ARIH1: variants seen among roughly 807,000 people sequenced by gnomAD.
ARIH1 encodes the protein ariadne RBR E3 ubiquitin protein ligase 1.
Under a neutral mutation model 85.0 loss-of-function variants are expected in ARIH1, and 8 were observed. That is an observed-to-expected ratio of 0.09 (90% CI 0.06 to 0.17). ARIH1 has a LOEUF of 0.17. Ranked by LOEUF, ARIH1 falls within the 10% of genes least tolerant of loss-of-function variation. ARIH1 has a pLI of 1.00. For missense variants in ARIH1, 311 were observed against 718.1 expected, an observed-to-expected ratio of 0.43 and a Z score of 6.48; for synonymous variants, 238 against 253.6, an observed-to-expected ratio of 0.94 and a Z score of 0.59.
At chr15:72,552,998 C>T (rs2064159442) in intron 3 of ARIH1, among the ~76,000 whole-genome samples, 1 of 152,100 alleles carries the variant, frequency 6.6e-6, no homozygotes, top group African/African-American at 2.4e-5. Flanking sequence ...TGGTCTTAAA[C>T]TCCTGACTGT....
intron 11 of ARIH1, among the ~76,000 whole-genome samples, chr15:72,578,926 A>G (rs1366202827): frequency 1.3e-5 from 2 of 150,984 alleles, no homozygotes; most frequent in African/African-American, 4.9e-5. Context: ...ATGGGATTAC[A>G]GGCACATGCC....
intron 11 of ARIH1, among the ~76,000 whole-genome samples, chr15:72,577,783 G>A (rs2064278397): frequency 6.6e-6 from 1 of 152,156 alleles, no homozygotes; most frequent in African/African-American, 2.4e-5. Flanking sequence ...TATCTCAGGT[G>A]GCAGAGGTAG....
At chr15:72,480,364 C>T (rs1222164054) in intron 1 of ARIH1, among the ~76,000 whole-genome samples, 2 of 151,114 alleles carry the variant, frequency 1.3e-5, no homozygotes, top group Non-Finnish European at 2.9e-5. Context: ...AGGGTTCAAG[C>T]GATTCTCCTG....
Position 72,498,961 on chromosome 15 carries a change from A to ATTTTTT in ARIH1, c.376-19074_376-19069dup, listed in dbSNP as rs535261674. Among the ~76,000 whole-genome samples, 23 of 88,432 alleles carry ATTTTTT rather than the reference A, an allele frequency of 2.6e-4. 1 individual carries two copies. Among genetic ancestry groups the ATTTTTT allele is most frequent in the African/African-American group, 7.9e-4 (17 of 21,450 alleles). The allele number at this position is 88,432 out of a possible 152,430, so 58.0% of individuals were successfully genotyped here. ...TTATGTCGTTTGCACCTTTTCATAAATTTTTTTTTTTTTTTTTTTTTTTTT... is the reference window on the plus strand; with the variant it reads ...TTATGTCGTTTGCACCTTTTCATAAATTTTTTTTTTTTTTTTTTTTTTTTTTTTTTT... On this transcript the variant is annotated intron_variant, in intron 1 of 13. Transcript: ENST00000379887.
At chr15:72,492,038 T>G (rs1364194381) in intron 1 of ARIH1, among the ~76,000 whole-genome samples, 1 of 152,096 alleles carries the variant, frequency 6.6e-6, no homozygotes, top group Non-Finnish European at 1.5e-5. Context: ...AATAAATGAC[T>G]AAGAGTGGAA....
At chr15:72,540,701 A>G (rs955156217) in intron 2 of ARIH1, among the ~76,000 whole-genome samples, 13 of 152,156 alleles carry the variant, frequency 8.5e-5, no homozygotes, top group Admixed American at 2.0e-4. Flanking sequence ...GTGTGCACGT[A>G]TAGTCCCACC....
At chr15:72,528,175 G>A (rs1193970156) in intron 2 of ARIH1, among the ~76,000 whole-genome samples, 6 of 152,132 alleles carry the variant, frequency 3.9e-5, no homozygotes, top group African/African-American at 1.4e-4. Context: ...GTAGTATATA[G>A]GGTAAATGCT....
At chr15:72,498,503 T>A (rs2063889281) in intron 1 of ARIH1, among the ~76,000 whole-genome samples, 1 of 152,220 alleles carries the variant, frequency 6.6e-6, no homozygotes, top group Non-Finnish European at 1.5e-5. Flanking sequence ...TATGTTTATA[T>A]TTACATGTGT....
chr15:72,579,031 G>A (rs1398202104), intron 11 of ARIH1, among the ~76,000 whole-genome samples: 2 of 151,998 alleles, frequency 1.3e-5, no homozygotes, highest in East Asian at 1.9e-4. Flanking sequence ...CAATCCACCC[G>A]CCTCAGCCTC....
At chr15:72,537,775 A>G (rs1008173724) in intron 2 of ARIH1, among the ~76,000 whole-genome samples, 4 of 152,184 alleles carry the variant, frequency 2.6e-5, no homozygotes, top group Non-Finnish European at 5.9e-5. Context: ...TCAGAACTAT[A>G]AGGTATAGAA....
At chr15:72,556,070 T>G (rs926072866) in intron 5 of ARIH1, among the ~76,000 whole-genome samples, 163 bp downstream of exon 5, 1 of 152,224 alleles carries the variant, frequency 6.6e-6, no homozygotes, top group Non-Finnish European at 1.5e-5. Context: ...GTAACTTGGT[T>G]AAATGCCTGA....
chr15:72,486,078 G>T (rs1567336829), intron 1 of ARIH1, among the ~76,000 whole-genome samples: 1 of 152,062 alleles, frequency 6.6e-6, no homozygotes, highest in Non-Finnish European at 1.5e-5. Context: ...AATCACTTAT[G>T]ATTTAAGTTT....
At chr15:72,527,024 A>G (rs1213829341) in intron 2 of ARIH1, among the ~76,000 whole-genome samples, 1 of 152,176 alleles carries the variant, frequency 6.6e-6, no homozygotes, top group Non-Finnish European at 1.5e-5. Context: ...CAAGTCTTCC[A>G]TCTGGGTTTT....
intron 1 of ARIH1, among the ~76,000 whole-genome samples, chr15:72,507,697 CAATT>C (rs370968607): frequency 7.2e-5 from 11 of 152,184 alleles, no homozygotes; most frequent in African/African-American, 2.4e-4. Flanking sequence ...AAATAACAGT[CAATT>C]AAGAGCTTAT....
At chr15:72,533,039 T>A (rs2064064839) in intron 2 of ARIH1, among the ~76,000 whole-genome samples, 1 of 152,226 alleles carries the variant, frequency 6.6e-6, no homozygotes, top group African/African-American at 2.4e-5. Flanking sequence ...TCCAGTTCAA[T>A]TCAGCATTAT....
intron 11 of ARIH1, among the ~76,000 whole-genome samples, chr15:72,579,298 A>G (rs1378312912): frequency 1.3e-5 from 2 of 152,090 alleles, no homozygotes; most frequent in Non-Finnish European, 2.9e-5. Context: ...GTGTCATTTA[A>G]TAGGTTCTTC....
chr15:72,576,672 A>G (rs551878048), intron 11 of ARIH1, among the ~76,000 whole-genome samples: 2 of 152,218 alleles, frequency 1.3e-5, no homozygotes, highest in East Asian at 1.9e-4. Flanking sequence ...GAATAATTAT[A>G]TATTATAATG....
chr15:72,571,998 A>G (rs2064249972), intron 10 of ARIH1, 110 bp from the exon 11 acceptor site: 5 of 725,200 alleles, frequency 6.9e-6, no homozygotes, highest in Non-Finnish European at 1.1e-5. Context: ...GTTATAAAAG[A>G]TAACGTTGGT....
At chr15:72,570,653 G>A (rs72735180) in intron 10 of ARIH1, among the ~76,000 whole-genome samples, 2 of 152,256 alleles carry the variant, frequency 1.3e-5, no homozygotes, top group Non-Finnish European at 2.9e-5. Flanking sequence ...TGCCTCTCTA[G>A]GCCAAAATTG....
Sources: gnomAD v4.1 joint callset for allele counts (sites outside exome capture counted in the v4.1 genomes callset) on GRCh38, gnomAD v4.1.1 for gene constraint, MANE v1.5 for transcripts, NCBI Gene and HGNC (gene_info 2026-07-23, HGNC 2026-07-21) for gene names.